BCAT1: variants seen among roughly 807,000 people sequenced by gnomAD.
BCAT1 encodes the protein branched-chain-amino-acid aminotransferase, cytosolic.
In BCAT1, 48 loss-of-function variants were observed where a neutral mutation model predicts 52.4. That is an observed-to-expected ratio of 0.92 (90% confidence interval 0.73 to 1.16). The LOEUF (loss-of-function observed/expected upper bound fraction) is 1.16. BCAT1 is among the 50% of genes most tolerant of loss of function. BCAT1 has a pLI of 0.00. For synonymous variants in BCAT1, 167 were observed against 161.3 expected, an observed-to-expected ratio of 1.04 and a Z score of -0.27; for missense variants, 451 against 457.1, an observed-to-expected ratio of 0.99 and a Z score of 0.12.
In BCAT1 at chr12:24,882,468, T is replaced by C. The variant is rs540237988; in HGVS notation, c.280-1057A>G. Reference sequence around the variant, plus strand: ...TATTTAAGTGCAAATATATTATTAGTTTATTAAATATAACAGTACTAAAGC... The same window carrying C: ...TATTTAAGTGCAAATATATTATTAGCTTATTAAATATAACAGTACTAAAGC... On this transcript the variant is annotated intron_variant, in intron 3 of 10. Coordinates refer to ENST00000261192, the MANE Select transcript of BCAT1 (RefSeq NM_005504.7). Among the ~76,000 whole-genome samples, 13 of 152,288 alleles carry C rather than the reference T, an allele frequency of 8.5e-5. No individual in the cohort carries two copies. In the East Asian group the frequency reaches 2.3e-3, roughly 27 times the overall value.
intron 1 of BCAT1, chr12:24,902,613 C>G: frequency 2.3e-6 from 1 of 442,514 alleles, no homozygotes; most frequent in Non-Finnish European, 3.7e-6. Flanking sequence ...TTCTGGCAGC[C>G]CAGAGATTCA....
intron 1 of BCAT1, among the ~76,000 whole-genome samples, chr12:24,920,471 G>C (rs1176326875): frequency 6.6e-6 from 1 of 152,080 alleles, no homozygotes; most frequent in Non-Finnish European, 1.5e-5. Flanking sequence ...TTTTGGGGTA[G>C]CATATTTTAT....
intron 1 of BCAT1, among the ~76,000 whole-genome samples, chr12:24,936,409 A>G (rs1943753816): frequency 6.6e-6 from 1 of 152,024 alleles, no homozygotes; most frequent in Admixed American, 6.6e-5. Flanking sequence ...ATTTTTGTAT[A>G]TTTAGTACAT....
At chr12:24,864,665 C>A (rs1941951819) in intron 5 of BCAT1, among the ~76,000 whole-genome samples, 1 of 152,166 alleles carries the variant, frequency 6.6e-6, no homozygotes, top group African/African-American at 2.4e-5. Flanking sequence ...AACTAAGACA[C>A]ACACTCCCTT....
chr12:24,944,299 G>T (rs1943901875), intron 1 of BCAT1, among the ~76,000 whole-genome samples: 1 of 152,100 alleles, frequency 6.6e-6, no homozygotes, highest in Non-Finnish European at 1.5e-5. Flanking sequence ...ATATAACTTG[G>T]TATCTAAATC....
At chr12:24,826,047 A>G (rs1233188882) in intron 10 of BCAT1, among the ~76,000 whole-genome samples, 1 of 152,172 alleles carries the variant, frequency 6.6e-6, no homozygotes, top group Non-Finnish European at 1.5e-5. Context: ...CTCCATCTCT[A>G]CAAAAAATTT....
chr12:24,894,154 G>T, intron 3 of BCAT1, 121 bp downstream of exon 3: 2 of 865,594 alleles, frequency 2.3e-6, no homozygotes, highest in Non-Finnish European at 3.4e-6. Flanking sequence ...AGACATTTTC[G>T]GCTTCCTCTG....
chr12:24,818,401 T>G (rs1939967883), intron 10 of BCAT1, among the ~76,000 whole-genome samples: 1 of 152,176 alleles, frequency 6.6e-6, no homozygotes, highest in Non-Finnish European at 1.5e-5. Flanking sequence ...TGAGTTAACT[T>G]GCTTAATGAC....
chr12:24,836,805 AGAAG>A (rs1009441544), intron 7 of BCAT1, among the ~76,000 whole-genome samples: 2 of 140,882 alleles, frequency 1.4e-5, no homozygotes, highest in African/African-American at 5.1e-5. Context: ...AAGGAAGGAA[AGAAG>A]GAAGGAAGGA....
In BCAT1 at chr12:24,811,775, G is replaced by C. The variant is rs1038820880; in HGVS notation, c.*6233C>G. ...TACACAGCTAAGATATCTGAGACTT[G>C]CAATGGCTGGAGTCTATCAGTACAA... On this transcript the variant is annotated 3_prime_UTR_variant, in exon 11 of 11. Transcript: ENST00000261192. The C allele has an allele frequency of 2.0e-5, 3 of 152,094 alleles. No homozygotes were observed. Among genetic ancestry groups the C allele is most frequent in the Admixed American group, 2.0e-4 (3 of 15,258 alleles). 9.4% of individuals were successfully genotyped at this position (152,094 alleles called of 1,614,324 possible).
At chr12:24,841,958 G>A in intron 7 of BCAT1, 124 bp downstream of exon 7, 1 of 1,117,152 alleles carries the variant, frequency 9.0e-7, no homozygotes, top group Non-Finnish European at 1.3e-6. Flanking sequence ...CAAAAGCACA[G>A]TAGTCCTTAC....
At chr12:24,883,836 A>G (rs1942578191) in intron 3 of BCAT1, among the ~76,000 whole-genome samples, 1 of 152,196 alleles carries the variant, frequency 6.6e-6, no homozygotes, top group Non-Finnish European at 1.5e-5. Context: ...TGCAATGCAC[A>G]GTTCACAATA....
chr12:24,821,469 G>T (rs939613786), intron 10 of BCAT1, among the ~76,000 whole-genome samples: 1 of 151,960 alleles, frequency 6.6e-6, no homozygotes, highest in African/African-American at 2.4e-5. Context: ...ATTATTTGTT[G>T]ACAGCAGTGT....
chr12:24,902,899 C>A, intron 1 of BCAT1: 2 of 1,515,522 alleles, frequency 1.3e-6, no homozygotes, highest in Non-Finnish European at 1.8e-6. Flanking sequence ...CTACCGAGAC[C>A]CGGGTTCCAA....
intron 2 of BCAT1, among the ~76,000 whole-genome samples, chr12:24,898,519 A>AATTTTTTTTTTT (rs1591853913): frequency 4.2e-5 from 1 of 24,048 alleles, no homozygotes; most frequent in East Asian, 3.0e-3. Flanking sequence ...TTCAGTCAAC[A>AATTTTTTTTTTT]CTTTTTTTTT....
intron 5 of BCAT1, among the ~76,000 whole-genome samples, chr12:24,858,903 A>G (rs987703291): frequency 1.3e-5 from 2 of 152,266 alleles, no homozygotes; most frequent in Non-Finnish European, 2.9e-5. Flanking sequence ...GTGGGAGGTC[A>G]GTGAAAATTA....
At chr12:24,895,123 A>C (rs2133587) in intron 2 of BCAT1, among the ~76,000 whole-genome samples, 5,505 of 152,304 alleles carry the variant, frequency 0.036, 331 homozygotes, top group African/African-American at 0.12. Context: ...AATCAGAGTA[A>C]TAGGAAACAA....
At chr12:24,825,502 G>C (rs1375216971) in intron 10 of BCAT1, among the ~76,000 whole-genome samples, 3 of 150,896 alleles carry the variant, frequency 2.0e-5, no homozygotes, top group African/African-American at 7.3e-5. Flanking sequence ...TTTTAACTAG[G>C]GCAAGTGGAT....
intron 1 of BCAT1, among the ~76,000 whole-genome samples, chr12:24,942,621 C>T (rs567657510): frequency 8.6e-5 from 13 of 151,928 alleles, no homozygotes; most frequent in Admixed American, 3.3e-4. Context: ...AAGGTGGAGT[C>T]ACCTGCAAAG....
Sources: gnomAD v4.1 joint callset for allele counts (sites outside exome capture counted in the v4.1 genomes callset) on GRCh38, gnomAD v4.1.1 for gene constraint, MANE v1.5 for transcripts, NCBI Gene and HGNC (gene_info 2026-07-23, HGNC 2026-07-21) for gene names.